The following COX7A2L variants were observed in gnomAD, a reference collection of about 807,000 sequenced individuals.
COX7A2L encodes cytochrome c oxidase subunit 7A2-like, mitochondrial.
A neutral mutation model predicts 14.2 loss-of-function variants in COX7A2L; 18 were observed. The ratio of observed to expected loss-of-function variants is 1.27; its 90% confidence interval spans 0.88 to 1.88. The LOEUF (loss-of-function observed/expected upper bound fraction) is 1.88. Among genes scored for constraint, COX7A2L ranks in the 40% most tolerant of loss-of-function variants. COX7A2L has a pLI of 0.00. For missense variants in COX7A2L, 179 were observed against 138.8 expected (o/e 1.29, Z -1.46); for synonymous variants, 65 against 57.4 (o/e 1.13, Z -0.60).
At chr2:42,346,609 C>T (rs1205245915), downstream of COX7A2L, among the ~76,000 whole-genome samples, 1 of 152,014 alleles carries the variant, frequency 6.6e-6, no homozygotes, top group East Asian at 1.9e-4. Context: ...AGCAAGACCT[C>T]GTCTCTCCCA....
At position 42,350,723 on chromosome 2, in the gene COX7A2L, C is replaced by G. The variant is rs1404283975; in HGVS notation, c.*496G>C. 1 of 152,208 alleles carries G rather than the reference C, an allele frequency of 6.6e-6. No individual in the cohort carries two copies. Among genetic ancestry groups the G allele is most frequent in the Admixed American group, 6.5e-5 (1 of 15,284 alleles). 9.4% of individuals were successfully genotyped at this position (152,208 alleles called of 1,614,324 possible). On this transcript the variant is annotated 3_prime_UTR_variant, in exon 3 of 3. Transcript: ENST00000234301. ...GAGGCAAATAACCCTTTGAAATTAC[C>G]TGCCCAACAAATAGAGGCAGGCTAC...
intron 2 of COX7A2L, among the ~76,000 whole-genome samples, chr2:42,341,351 T>C (rs1229295136): frequency 1.3e-5 from 2 of 152,074 alleles, no homozygotes; most frequent in Non-Finnish European, 2.9e-5. Flanking sequence ...GGCAGCACAC[T>C]TCCCTCCCGA....
At position 42,350,639 on chromosome 2, in the gene COX7A2L, G is replaced by A. The variant is rs188371969; in HGVS notation, c.*580C>T. 1 of 148,732 alleles carries A rather than the reference G, an allele frequency of 6.7e-6. No homozygotes were observed. Among genetic ancestry groups the A allele is most frequent in the African/African-American group, 2.5e-5 (1 of 39,716 alleles). The allele number at this position is 148,732 out of a possible 1,614,324, so 9.2% of individuals were successfully genotyped here. A position where few individuals can be genotyped will look rare whatever the true frequency, so the allele number is the denominator to read the frequency against. ...CAGTCTAAAGTGCAACACTAAACAG[G>A]TATTCTCTGTTCCCACGGTGGAATA... On this transcript the variant is annotated 3_prime_UTR_variant, in exon 3 of 3. Transcript: ENST00000234301.
intron 1 of COX7A2L, among the ~76,000 whole-genome samples, chr2:42,354,450 G>C (rs893627405): frequency 2.0e-5 from 3 of 152,086 alleles, no homozygotes; most frequent in South Asian, 2.1e-4. Context: ...TTTAAAGTCA[G>C]AAAGCATAAT....
At position 42,339,826 on chromosome 2, in the gene COX7A2L, G is replaced by A. The variant is rs750831596; in HGVS notation, c.193-5957C>T. Among the ~76,000 whole-genome samples the A allele has an allele frequency of 2.6e-4, 40 of 152,054 alleles. No individual in the cohort carries two copies. Among genetic ancestry groups the A allele is most frequent in the Non-Finnish European group, 4.7e-4 (32 of 68,028 alleles). ...CCTCCTGTCGCCACTGAAGACTTTGGTTTGGTTTTAGCTTTTACATGAATG... is the reference window on the plus strand; with the variant it reads ...CCTCCTGTCGCCACTGAAGACTTTGATTTGGTTTTAGCTTTTACATGAATG... On this transcript the variant is annotated intron_variant, in intron 2 of 2. Transcript: ENST00000468711. This position sits in a 1 kb window ranked among gnomAD's most constrained non-coding sequence, Gnocchi z 5.4.
chr2:42,361,411 T>C (rs1300222049), upstream of COX7A2L: 9 of 451,406 alleles, frequency 2.0e-5, no homozygotes, highest in African/African-American at 6.1e-5. Flanking sequence ...GCGGAGTCTG[T>C]AGGAAATATG....
intron 1 of COX7A2L, among the ~76,000 whole-genome samples, chr2:42,367,838 T>A (rs1258346924): frequency 6.6e-6 from 1 of 152,254 alleles, no homozygotes; most frequent in African/African-American, 2.4e-5. Flanking sequence ...TGCTGGCGTT[T>A]CATTGTATGA....
At chr2:42,345,920 G>A (rs1035288422), downstream of COX7A2L, among the ~76,000 whole-genome samples, 10 of 152,144 alleles carry the variant, frequency 6.6e-5, no homozygotes, top group African/African-American at 2.2e-4. Flanking sequence ...GAGACGAGCC[G>A]GTGAGAGGGA....
chr2:42,344,704 T>C (rs1670461697), downstream of COX7A2L, among the ~76,000 whole-genome samples: 1 of 151,956 alleles, frequency 6.6e-6, no homozygotes, highest in Non-Finnish European at 1.5e-5. Context: ...TACGAAAAAT[T>C]AGCCCACGTT....
downstream of COX7A2L, among the ~76,000 whole-genome samples, chr2:42,344,351 C>A (rs929905022): frequency 6.6e-6 from 1 of 152,220 alleles, no homozygotes; most frequent in Non-Finnish European, 1.5e-5. Flanking sequence ...CAACTCTGTC[C>A]CAAAACATTT....
At chr2:42,360,998 G>C in intron 1 of COX7A2L, 92 bp downstream of exon 1, 1 of 1,391,136 alleles carries the variant, frequency 7.2e-7, no homozygotes, top group Non-Finnish European at 1.0e-6. Flanking sequence ...ACCGCGGGCA[G>C]AAGCCTCCCC....
chr2:42,343,249 A>C (rs552774408), intron 2 of COX7A2L, among the ~76,000 whole-genome samples: 7 of 152,322 alleles, frequency 4.6e-5, no homozygotes, highest in Non-Finnish European at 8.8e-5. Flanking sequence ...CTCCCAGATC[A>C]GAACAGGTGA....
upstream of COX7A2L, among the ~76,000 whole-genome samples, chr2:42,365,251 T>G (rs1671142383): frequency 6.6e-6 from 1 of 152,182 alleles, no homozygotes; most frequent in Non-Finnish European, 1.5e-5. Flanking sequence ...GGATTCCCAC[T>G]CTCTACCTCA....
At chr2:42,364,924 A>G (rs1191905818), upstream of COX7A2L, among the ~76,000 whole-genome samples, 2 of 152,140 alleles carry the variant, frequency 1.3e-5, no homozygotes, top group African/African-American at 4.8e-5. Context: ...AAACTGCCTC[A>G]CTTTTGCCTG....
intron 1 of COX7A2L, chr2:42,359,390 G>A (rs1406701760): frequency 6.6e-6 from 1 of 152,218 alleles, no homozygotes; most frequent in Non-Finnish European, 1.5e-5. Flanking sequence ...CTTGCATATT[G>A]AGGGAGGTGT....
chr2:42,355,012 A>T (rs780100600), intron 1 of COX7A2L, among the ~76,000 whole-genome samples: 5 of 152,236 alleles, frequency 3.3e-5, no homozygotes, highest in Non-Finnish European at 7.3e-5. Flanking sequence ...TCAAATAGTG[A>T]AAAGCAAGTC....
intron 2 of COX7A2L, among the ~76,000 whole-genome samples, chr2:42,343,443 A>G (rs1670438336): frequency 1.3e-5 from 2 of 152,014 alleles, no homozygotes; most frequent in African/African-American, 4.8e-5. Context: ...AATTAATGCA[A>G]CTCCTTGAAG....
At chr2:42,354,537 TG>T (rs1435180758) in intron 1 of COX7A2L, among the ~76,000 whole-genome samples, 2 of 152,232 alleles carry the variant, frequency 1.3e-5, no homozygotes, top group Non-Finnish European at 2.9e-5. Flanking sequence ...CGCTGATTCT[TG>T]TCTCAAAGAA....
Position 42,351,075 on chromosome 2 carries a change from A to G in COX7A2L, c.*144T>C. On this transcript the variant is annotated 3_prime_UTR_variant, in exon 3 of 3. Transcript: ENST00000234301. ...CAAGCCATATGCATTTCATAAACAA[A>G]CCAAAACATCATCTTCATATCTTCC... 1 of 945,858 alleles carries G rather than the reference A, an allele frequency of 1.1e-6. No homozygotes were observed. The highest frequency in any genetic ancestry group is 1.5e-6 in the Non-Finnish European group (1 of 655,142). The allele number at this position is 945,858 out of a possible 1,614,324, so 58.6% of individuals were successfully genotyped here. A position where few individuals can be genotyped will look rare whatever the true frequency, so the allele number is the denominator to read the frequency against.
Sources: gnomAD v4.1 joint callset for allele counts (sites outside exome capture counted in the v4.1 genomes callset) on GRCh38, gnomAD v4.1.1 for gene constraint, Gnocchi (gnomAD v3.1) non-coding constraint, MANE v1.5 for transcripts, NCBI Gene and HGNC (gene_info 2026-07-23, HGNC 2026-07-21) for gene names.